The following GRIK1 variants were observed in gnomAD, a reference collection of about 807,000 sequenced individuals.
GRIK1 encodes the protein glutamate receptor ionotropic, kainate 1.
GRIK1 carries 69 observed loss-of-function variants against 105.7 expected under a neutral mutation model. The ratio of observed to expected loss-of-function variants is 0.65; its 90% confidence interval spans 0.54 to 0.80. The LOEUF (loss-of-function observed/expected upper bound fraction) is 0.80, where lower values mean the gene tolerates loss of function less well. Among genes scored for constraint, GRIK1 ranks in the 30% least tolerant of loss-of-function variants. The pLI is 0.00. For missense variants in GRIK1, 1,109 were observed against 1,167.3 expected (o/e 0.95, Z 0.73); for synonymous variants, 438 against 431.3 (o/e 1.02, Z -0.19).
At chr21:29,930,987 T>A (rs972225125) in intron 1 of GRIK1, among the ~76,000 whole-genome samples, 1 of 152,234 alleles carries the variant, frequency 6.6e-6, no homozygotes, top group Non-Finnish European at 1.5e-5. Flanking sequence ...TGAATCTTTT[T>A]AAAATATAGA....
intron 7 of GRIK1, among the ~76,000 whole-genome samples, chr21:29,621,161 A>G (rs1257925946): frequency 1.3e-5 from 2 of 152,160 alleles, no homozygotes; most frequent in Non-Finnish European, 2.9e-5. Context: ...AATTAAGAGA[A>G]GACAAAATTC....
chr21:29,695,073 T>G (rs1324812214), intron 1 of GRIK1, among the ~76,000 whole-genome samples: 4 of 152,184 alleles, frequency 2.6e-5, no homozygotes, highest in Non-Finnish European at 4.4e-5. Flanking sequence ...ACTGAGCAAG[T>G]GCACATGTTC....
At chr21:29,702,820 T>G (rs1228996871) in intron 1 of GRIK1, among the ~76,000 whole-genome samples, 1 of 152,130 alleles carries the variant, frequency 6.6e-6, no homozygotes. Context: ...ATAAATGAAT[T>G]TCTCCCAGAG....
intron 1 of GRIK1, among the ~76,000 whole-genome samples, chr21:29,708,028 T>A (rs1302374920): frequency 2.0e-5 from 3 of 152,154 alleles, no homozygotes; most frequent in Non-Finnish European, 2.9e-5. Context: ...AAACATAAGG[T>A]ATAAACAGTT....
chr21:29,823,753 GT>G (rs2067369418), intron 1 of GRIK1, among the ~76,000 whole-genome samples: 1 of 151,834 alleles, frequency 6.6e-6, no homozygotes, highest in East Asian at 1.9e-4. Flanking sequence ...ATACTGTTTT[GT>G]TTTAACCTGT....
Position 29,549,024 on chromosome 21 carries a change from CTTTG to C in GRIK1, c.2607+6024_2607+6027del, listed in dbSNP as rs532724626. On this transcript the variant is annotated intron_variant, in intron 16 of 17. Transcript: ENST00000327783. ...ATTGCTGTTGATGCATTTGTTCAGT[CTTTG>C]TTTGTTTGTTTATTGATTTATAGAG... 1.8e-3 allele frequency among the ~76,000 whole-genome samples: 268 copies of C among 152,218 alleles called. 1 individual carries two copies. Among genetic ancestry groups the C allele is most frequent in the African/African-American group, 6.1e-3 (253 of 41,532 alleles).
intron 14 of GRIK1, among the ~76,000 whole-genome samples, chr21:29,563,807 A>G (rs1241236838): frequency 6.6e-6 from 1 of 152,196 alleles, no homozygotes; most frequent in Non-Finnish European, 1.5e-5. Flanking sequence ...TGCTACTGTC[A>G]CAGAGGAGGA....
In GRIK1 at chr21:29,785,561, C is replaced by CAA. The variant is rs950219193; in HGVS notation, c.119-91500_119-91499dup. On this transcript the variant is annotated intron_variant, in intron 1 of 17. Transcript: ENST00000327783. ...CCTGGGCGACAGAGTGAGACTGTCT[C>CAA]AAAAAAAAAAAAAAAAAAAAAAAGC... 9.9e-3 allele frequency among the ~76,000 whole-genome samples: 553 copies of CAA among 55,646 alleles called. 6 individuals are homozygous for CAA. The highest frequency in any genetic ancestry group is 0.021 in the East Asian group (40 of 1,886). 36.5% of individuals were successfully genotyped at this position (55,646 alleles called of 152,430 possible). A position where few individuals can be genotyped will look rare whatever the true frequency, so the allele number is the denominator to read the frequency against.
At chr21:29,567,312 CTAAT>C (rs2090633371) in intron 14 of GRIK1, among the ~76,000 whole-genome samples, 1 of 152,142 alleles carries the variant, frequency 6.6e-6, no homozygotes, top group African/African-American at 2.4e-5. Context: ...AAATATCCCT[CTAAT>C]GTTTCTTTTT....
At chr21:29,628,225 A>T (rs1390879521) in intron 7 of GRIK1, among the ~76,000 whole-genome samples, 1 of 152,236 alleles carries the variant, frequency 6.6e-6, no homozygotes, top group Middle Eastern at 3.2e-3. Context: ...AATAATGGTG[A>T]TGAAAATAAA....
At chr21:29,877,937 C>A (rs1022762628) in intron 1 of GRIK1, among the ~76,000 whole-genome samples, 1 of 151,800 alleles carries the variant, frequency 6.6e-6, no homozygotes, top group Non-Finnish European at 1.5e-5. Context: ...TGAAAAAACA[C>A]GATAAAAGAA....
At position 29,848,236 on chromosome 21, in the gene GRIK1, C is replaced by A. The variant is rs146836415; in HGVS notation, c.118+91147G>T. 2.8e-3 allele frequency among the ~76,000 whole-genome samples: 425 copies of A among 152,150 alleles called. 3 individuals carry two copies. Among genetic ancestry groups the A allele is most frequent in the African/African-American group, 9.4e-3 (390 of 41,512 alleles). ...AGAGATGCTAAATTCTCTTTCTGTC[C>A]CCGCCAATGTACAATGCATGCTTCT... On this transcript the variant is annotated intron_variant, in intron 1 of 17. Coordinates refer to ENST00000327783, the MANE Select transcript of GRIK1 (RefSeq NM_001330994.2).
chr21:29,702,403 G>T (rs558332713), intron 1 of GRIK1, among the ~76,000 whole-genome samples: 2 of 152,222 alleles, frequency 1.3e-5, no homozygotes, highest in African/African-American at 4.8e-5. Flanking sequence ...AGAAATTTGG[G>T]AGTCACCACC....
At position 29,537,273 on chromosome 21, in the gene GRIK1, G is replaced by T; in HGVS notation, c.2807C>A (p.Thr936Asn). 1 of 1,611,986 alleles carries T rather than the reference G, an allele frequency of 6.2e-7. No homozygotes were observed. The highest frequency in any genetic ancestry group is 8.5e-7 in the Non-Finnish European group (1 of 1,178,720). The change falls in exon 18 of 18, where the codon ACT becomes AAT. Residue 936 changes from threonine to asparagine, a missense_variant. This residue lies in a region of GRIK1 where 161 missense variants were observed against 143.4 expected (regional missense o/e 1.12). Transcript: ENST00000327783. ...TCTCTGAGTTCGTCTCTGATGACAA[G>T]TAAGGATACTTGTGAAGGAAGATTT... The part of the protein sequence containing the change: ...KGKSSFTSIL[T>N]CHQRRTQRKE...
At chr21:29,840,458 G>C (rs2067945721) in intron 1 of GRIK1, among the ~76,000 whole-genome samples, 1 of 151,910 alleles carries the variant, frequency 6.6e-6, no homozygotes, top group South Asian at 2.1e-4. Flanking sequence ...TAATTTTTGA[G>C]AATCTTTGAA....
intron 1 of GRIK1, among the ~76,000 whole-genome samples, chr21:29,825,923 G>T (rs1298740808): frequency 6.6e-6 from 1 of 151,996 alleles, no homozygotes; most frequent in Non-Finnish European, 1.5e-5. Context: ...ACACAAACCT[G>T]CCTGGTCTTG....
chr21:29,788,425 G>A (rs1028661216), intron 1 of GRIK1, among the ~76,000 whole-genome samples: 2 of 152,176 alleles, frequency 1.3e-5, no homozygotes, highest in African/African-American at 4.8e-5. Context: ...ACCTAAGGAG[G>A]CCAGTGAGCA....
chr21:29,888,195 TTCTCTCTCTCTCTC>T (rs780446480), intron 1 of GRIK1, among the ~76,000 whole-genome samples: 7 of 22,204 alleles, frequency 3.2e-4, no homozygotes, highest in South Asian at 2.6e-3. Context: ...CTTTCTTTCT[TTCTCTCTCTCTCTC>T]TCTCTCTCTC....
chr21:29,853,766 A>T (rs1405283491), intron 1 of GRIK1, among the ~76,000 whole-genome samples: 1 of 152,246 alleles, frequency 6.6e-6, no homozygotes, highest in Non-Finnish European at 1.5e-5. Flanking sequence ...AAAGAAACAC[A>T]GACCAAAACC....
Sources: allele counts gnomAD v4.1 joint callset (sites outside exome capture counted in the v4.1 genomes callset), GRCh38; gene constraint gnomAD v4.1.1; regional missense constraint gnomAD v4.1.1; transcripts MANE v1.5; gene names NCBI Gene and HGNC (gene_info 2026-07-23, HGNC 2026-07-21).